The following TRPM8 variants were observed in gnomAD, a reference collection of about 807,000 sequenced individuals.
TRPM8 encodes transient receptor potential cation channel subfamily M member 8.
In TRPM8, 110 loss-of-function variants were observed where a neutral mutation model predicts 133.7. The observed-to-expected ratio is 0.82, with a 90% CI of 0.70 to 0.96. The LOEUF is 0.96. Ranked by LOEUF, TRPM8 falls within the 40% of genes least tolerant of loss-of-function variation. The probability of loss-of-function intolerance (pLI) is 0.00; values close to 1 mark genes in which losing one functional copy is unlikely to be tolerated. For missense variants in TRPM8, 1,291 were observed against 1,379.5 expected (o/e 0.94, Z 1.02); for synonymous variants, 535 against 532.3 (o/e 1.01, Z -0.07).
chr2:233,962,095 C>T (rs1432083140), intron 12 of TRPM8, among the ~76,000 whole-genome samples: 2 of 152,186 alleles, frequency 1.3e-5, no homozygotes, highest in African/African-American at 2.4e-5. Context: ...AGAATGGACA[C>T]GTGTTCTTTT....
chr2:233,939,070 A>G lies in TRPM8; in HGVS notation c.421A>G (p.Thr141Ala), dbSNP rs760143105. ...GCTGACCCAGCACTGGCACCTGAAA[A>G]CACCCAACCTGGTCATTTCTGTGAC... ...ELLTQHWHLK[T>A]PNLVISVTGG... The change falls in exon 5 of 26, where the codon ACA becomes GCA. Residue 141 changes from threonine (T) to alanine (A), a missense_variant. Physicochemically the swap from Thr to Ala is moderately conservative, Grantham distance 58. Around this residue, in one of 2 missense-constraint regions of TRPM8, gnomAD observed 963 missense variants for 968.9 expected, o/e 0.99. Transcript: ENST00000324695. 3 of 1,614,068 alleles carry G rather than the reference A, an allele frequency of 1.9e-6. No individual in the cohort carries two copies. The highest frequency in any genetic ancestry group is 1.1e-5 in the South Asian group (1 of 91,062).
chr2:233,974,426 G>T (rs537524458), intron 17 of TRPM8, among the ~76,000 whole-genome samples: 3 of 152,200 alleles, frequency 2.0e-5, no homozygotes, highest in Admixed American at 6.5e-5. Context: ...TAGAGACGGG[G>T]TTTCACCATG....
chr2:234,015,971 A>G (rs969561225), intron 25 of TRPM8, among the ~76,000 whole-genome samples: 1 of 152,236 alleles, frequency 6.6e-6, no homozygotes, highest in Non-Finnish European at 1.5e-5. Context: ...AAAGAGTTGT[A>G]ATAATCAGAA....
At chr2:233,945,643 A>G (rs762102680) in intron 6 of TRPM8, among the ~76,000 whole-genome samples, 1 of 152,238 alleles carries the variant, frequency 6.6e-6, no homozygotes, top group Non-Finnish European at 1.5e-5. Context: ...GAAAATGAGC[A>G]CATGGCACAA....
At chr2:233,943,619 C>A (rs145564638) in intron 6 of TRPM8, among the ~76,000 whole-genome samples, 10 of 152,236 alleles carry the variant, frequency 6.6e-5, no homozygotes, top group African/African-American at 1.9e-4. Flanking sequence ...GTGAGACAAC[C>A]ACCCCCCGCC....
chr2:233,928,338 C>T (rs1354252367), intron 2 of TRPM8, among the ~76,000 whole-genome samples: 2 of 152,132 alleles, frequency 1.3e-5, no homozygotes, highest in Non-Finnish European at 2.9e-5. Context: ...TCAGCCCCTG[C>T]GGGTGACCCC....
At chr2:233,984,224 A>C (rs961748025) in intron 20 of TRPM8, among the ~76,000 whole-genome samples, 3 of 152,126 alleles carry the variant, frequency 2.0e-5, no homozygotes, top group African/African-American at 4.8e-5. Context: ...CAACTGGTAA[A>C]GCACCATCTT....
chr2:233,967,317 G>C (rs973063840), intron 15 of TRPM8, among the ~76,000 whole-genome samples: 1 of 152,234 alleles, frequency 6.6e-6, no homozygotes, highest in South Asian at 2.1e-4. Flanking sequence ...GTTTGCACCT[G>C]GTGTCTTAGG....
chr2:233,969,206 T>C (rs1691646000), intron 15 of TRPM8, among the ~76,000 whole-genome samples: 1 of 152,058 alleles, frequency 6.6e-6, no homozygotes, highest in Non-Finnish European at 1.5e-5. Context: ...TGGCCAGGCA[T>C]GGTGGCTCAC....
At chr2:233,978,512 T>C (rs1001269244) in intron 17 of TRPM8, among the ~76,000 whole-genome samples, 2 of 152,200 alleles carry the variant, frequency 1.3e-5, no homozygotes, top group African/African-American at 2.4e-5. Flanking sequence ...TTTTTCTTCG[T>C]TCCTGGTTTT....
chr2:233,927,706 G>A lies in TRPM8; in HGVS notation c.117+1052G>A, dbSNP rs1444245762. On this transcript the variant is annotated intron_variant, in intron 2 of 25. Coordinates refer to ENST00000324695, the MANE Select transcript of TRPM8 (RefSeq NM_024080.5). ...ATCAGAGCCCTGGAAGACAGAGTCT[G>A]TCTCTTTCTTTCTTTCTTTCTTTCT... Among the ~76,000 whole-genome samples, 3 of 149,516 alleles carry A rather than the reference G, an allele frequency of 2.0e-5. No individual in the cohort carries two copies. In the East Asian group the frequency reaches 5.9e-4, roughly 30 times the overall value.
At chr2:233,943,208 C>A (rs989118937) in intron 6 of TRPM8, among the ~76,000 whole-genome samples, 4 of 151,660 alleles carry the variant, frequency 2.6e-5, no homozygotes, top group Non-Finnish European at 5.9e-5. Flanking sequence ...GTGCTGCACC[C>A]ATTAACTCAT....
At position 233,937,491 on chromosome 2, in the gene TRPM8, A is replaced by C. The variant is rs1460145900; in HGVS notation, c.330A>C (p.Thr110=). The change falls in exon 4 of 26, where the codon ACA becomes ACC. Residue 110 remains threonine, a synonymous_variant. Coordinates refer to ENST00000324695, the MANE Select transcript of TRPM8 (RefSeq NM_024080.5). ...CCTTTGGGGATATTCAGTTTGAGACACTGGGGAAGAAAGGGAAGGTAAGCA... is the reference window on the plus strand; with the variant it reads ...CCTTTGGGGATATTCAGTTTGAGACCCTGGGGAAGAAAGGGAAGGTAAGCA... ...TDAFGDIQFE[T]LGKKGKYIRL... The C allele has an allele frequency of 1.2e-6, 2 of 1,613,126 alleles. No individual in the cohort carries two copies. The highest frequency in any genetic ancestry group is 1.7e-6 in the Non-Finnish European group (2 of 1,179,644).
chr2:233,964,729 G>C lies in TRPM8; in HGVS notation c.1851G>C (p.Leu617=). The change falls in exon 14 of 26, where the codon CTG becomes CTC. Residue 617 remains leucine, a synonymous_variant. Transcript: ENST00000324695. ...DINAAGESEE[L]ANEYETRAVE... is the part of the protein sequence containing the mutation. ...ATGCTGCTGGGGAGTCCGAGGAGCT[G>C]GCTAATGAGTACGAGACCCGGGCTG... 6.2e-7 allele frequency: 1 copy of C among 1,613,104 alleles called. No homozygotes were observed. Among genetic ancestry groups the C allele is most frequent in the Non-Finnish European group, 8.5e-7 (1 of 1,179,264 alleles).
chr2:233,921,630 TTTTCTTTTC>T (rs1218489778), intron 1 of TRPM8, among the ~76,000 whole-genome samples: 1 of 145,652 alleles, frequency 6.9e-6, no homozygotes, highest in Non-Finnish European at 1.5e-5. Context: ...ACATTTTCTT[TTTTCTTTTC>T]TTTTTTTTCT....
intron 15 of TRPM8, among the ~76,000 whole-genome samples, chr2:233,967,458 T>C (rs1212156357): frequency 6.6e-6 from 1 of 152,176 alleles, no homozygotes; most frequent in African/African-American, 2.4e-5. Context: ...CCACATTTCA[T>C]CTTCACAGCA....
chr2:233,947,409 GAA>G, intron 8 of TRPM8: 1 of 1,489,000 alleles, frequency 6.7e-7, no homozygotes, highest in South Asian at 1.2e-5. Context: ...CTGCCAAAGA[GAA>G]GAGTTGACAT....
At chr2:233,968,632 A>T (rs1032244817) in intron 15 of TRPM8, among the ~76,000 whole-genome samples, 1 of 152,016 alleles carries the variant, frequency 6.6e-6, no homozygotes, top group African/African-American at 2.4e-5. Context: ...AGAGGGGTGC[A>T]TGTCAGTCCC....
intron 8 of TRPM8, 91 bp downstream of exon 8, chr2:233,947,246 C>A: frequency 6.3e-7 from 1 of 1,580,452 alleles, no homozygotes; most frequent in Non-Finnish European, 8.6e-7. Flanking sequence ...CTAATCTAAC[C>A]TAATTGATTT....
Sources: allele counts gnomAD v4.1 joint callset (sites outside exome capture counted in the v4.1 genomes callset), GRCh38; gene constraint gnomAD v4.1.1; regional missense constraint gnomAD v4.1.1; transcripts MANE v1.5; gene names NCBI Gene and HGNC (gene_info 2026-07-23, HGNC 2026-07-21).